NAGPA: variants seen among roughly 807,000 people sequenced by gnomAD.
The protein encoded by NAGPA is alpha-N-acetylglucosaminyl phosphodiesterase.
NAGPA carries 56 observed loss-of-function variants against 48.5 expected under a neutral mutation model. That is an observed-to-expected ratio of 1.15 (90% CI 0.93 to 1.44). The LOEUF is 1.44. NAGPA is among the 40% of genes most tolerant of loss of function. NAGPA has a pLI of 0.00. For synonymous variants in NAGPA, 399 were observed against 315.5 expected (o/e 1.26, Z -2.81); for missense variants, 888 against 735.0 (o/e 1.21, Z -2.41).
chr16:5,025,729 G>T, intron 9 of NAGPA, 44 bp from the exon 10 acceptor site: 2 of 1,554,478 alleles, frequency 1.3e-6, no homozygotes, highest in Non-Finnish European at 1.7e-6. Flanking sequence ...TGCTGGGTGG[G>T]CTCAGGGCTT....
rs763677545 is a variant in NAGPA at position 5,027,638 on chromosome 16, C to CGG, written c.1174+206_1174+207dup. Among the ~76,000 whole-genome samples the CGG allele has an allele frequency of 3.9e-5, 6 of 152,296 alleles. No homozygotes were observed. The East Asian group carries it at 7.7e-4, about 20-fold the overall frequency. ...TGAGGTGGGCCCTGGAGCCAGAGCCCGGGGACCCTTGTTTTAGCCGAGCCC... is the reference window on the plus strand; with the variant it reads ...TGAGGTGGGCCCTGGAGCCAGAGCCCGGGGGGACCCTTGTTTTAGCCGAGCCC... On this transcript the variant is annotated intron_variant, in intron 7 of 9. Transcript: ENST00000312251.
intron 3 of NAGPA, chr16:5,030,980 A>G (rs1284143845): frequency 4.5e-6 from 1 of 219,846 alleles, no homozygotes; most frequent in East Asian, 1.2e-4. Flanking sequence ...CCCGGGCTGG[A>G]GTGCAGTGGC....
rs1438180379 is a variant in NAGPA at position 5,033,357 on chromosome 16, A to C, written c.458T>G (p.Val153Gly). 2 of 1,597,924 alleles carry C rather than the reference A, an allele frequency of 1.3e-6. No homozygotes were observed. Among genetic ancestry groups the C allele is most frequent in the South Asian group, 2.2e-5 (2 of 91,034 alleles). Residue 153 changes from valine (V) to glycine (G), a missense_variant, in exon 2 of 10, where the codon GTG (valine) becomes GGG (glycine). Val to Gly is a moderately radical substitution (Grantham distance 109, BLOSUM62 -3). Coordinates refer to ENST00000312251, the MANE Select transcript of NAGPA (RefSeq NM_016256.4). This position sits in a 1 kb window ranked among gnomAD's most constrained non-coding sequence, Gnocchi z 4.2. ...MNSGECLGNV[V>G]SDERRVSSSG... ...GCTGCTCACCCGCCGCTCGTCGCTC[A>C]CCACGTTCCCCAGGCACTCGCCCGA...
rs755122540 is a variant in NAGPA at position 5,033,597 on chromosome 16, G to T, written c.218C>A (p.Ala73Asp). Residue 73 changes from alanine to aspartate, a missense_variant, in exon 2 of 10, where the codon GCC (alanine) becomes GAC (aspartate). Ala to Asp is a moderately radical substitution (Grantham distance 126, BLOSUM62 -2). Transcript: ENST00000312251. This position sits in a 1 kb window ranked among gnomAD's most constrained non-coding sequence, Gnocchi z 4.2. ...GAAGGTGCGCACGGCCAGACCGCCGGCGCCGGGAGTCGCGGGAGGCGGAGG... is the reference window on the plus strand; with the variant it reads ...GAAGGTGCGCACGGCCAGACCGCCGTCGCCGGGAGTCGCGGGAGGCGGAGG... ...SWPPPPATPG[A>D]GGLAVRTFVS... is the part of the protein sequence containing the mutation. 2.0e-6 allele frequency: 3 copies of T among 1,490,000 alleles called. No homozygotes were observed. In the South Asian group the frequency reaches 3.9e-5, roughly 19 times the overall value. The allele number at this position is 1,490,000 out of a possible 1,614,324, so 92.3% of individuals were successfully genotyped here. A position where few individuals can be genotyped will look rare whatever the true frequency, so the allele number is the denominator to read the frequency against.
Position 5,025,413 on chromosome 16 carries a change from C to T in NAGPA, c.*65G>A, listed in dbSNP as rs1027549266. 3 of 1,587,658 alleles carry T rather than the reference C, an allele frequency of 1.9e-6. No individual in the cohort carries two copies. The stretch of plus-strand genomic sequence containing the variant: ...CCACGCCAGTGGCCTTGAAATTTCC[C>T]CTGCAGAAGCCAGACCGTGGGGAAA... On this transcript the variant is annotated 3_prime_UTR_variant, in exon 10 of 10. Coordinates refer to ENST00000312251, the MANE Select transcript of NAGPA (RefSeq NM_016256.4).
At chr16:5,029,427 G>A (rs1157314827) in intron 4 of NAGPA, 4 of 287,876 alleles carry the variant, frequency 1.4e-5, no homozygotes, top group South Asian at 3.4e-5. Context: ...CCCAGATGGC[G>A]GCCAGCAGGG....
In NAGPA at chr16:5,027,877, A is replaced by G; in HGVS notation, c.1143T>C (p.Asp381=). ...TGCAGTTGGACCCGGTCCATCCGGCATCACAGCGGCAGCCGGCTGCCGAGA... is the reference window on the plus strand; with the variant it reads ...TGCAGTTGGACCCGGTCCATCCGGCGTCACAGCGGCAGCCGGCTGCCGAGA... The part of the protein sequence containing the change: ...GLCTETGCRC[D]AGWTGSNCSE... The change falls in exon 7 of 10, where the codon GAT becomes GAC. Residue 381 remains aspartate (D), a synonymous_variant. Transcript: ENST00000312251. 1 of 1,584,678 alleles carries G rather than the reference A, an allele frequency of 6.3e-7. No homozygotes were observed. Among genetic ancestry groups the G allele is most frequent in the Non-Finnish European group, 8.6e-7 (1 of 1,165,338 alleles).
intron 4 of NAGPA, chr16:5,029,279 C>T: frequency 2.0e-6 from 1 of 494,720 alleles, no homozygotes; most frequent in Non-Finnish European, 3.7e-6. Flanking sequence ...CAGGAGTGTT[C>T]AACACAGAGA....
rs769705244 is a variant in NAGPA at position 5,033,418 on chromosome 16, G to T, written c.397C>A (p.Arg133Ser). ...VEETARAADCRVAQNGGFFRM... is the reference protein window; with the variant it reads ...VEETARAADCSVAQNGGFFRM... ...AAGAAGCCGCCGTTCTGGGCGACAC[G>T]GCAGTCGGCCGCCCGCGCCGTCTCC... is the stretch of plus-strand genomic sequence containing the variant. The change falls in exon 2 of 10, where the codon CGT (arginine) becomes AGT (serine). Residue 133 changes from arginine to serine, a missense_variant. Arg to Ser is a moderately radical substitution (Grantham distance 110). Coordinates refer to ENST00000312251, the MANE Select transcript of NAGPA (RefSeq NM_016256.4). This position sits in a 1 kb window ranked among gnomAD's most constrained non-coding sequence, Gnocchi z 4.2. 3.0e-5 allele frequency: 48 copies of T among 1,595,780 alleles called. No homozygotes were observed. The Middle Eastern group carries it at 8.4e-4, about 28-fold the overall frequency.
chr16:5,028,710 T>TG (rs1956048103), intron 5 of NAGPA, 170 bp downstream of exon 5: 2 of 973,260 alleles, frequency 2.1e-6, no homozygotes, highest in Non-Finnish European at 3.2e-6. Context: ...CAACTGACCC[T>TG]GCTCCTAGGC....
chr16:5,028,727 A>T, intron 5 of NAGPA, 153 bp downstream of exon 5: 1 of 1,162,960 alleles, frequency 8.6e-7, no homozygotes, highest in Non-Finnish European at 1.3e-6. Flanking sequence ...AGGCCTGGGT[A>T]GTACTGGCAT....
chr16:5,031,386 G>A (rs1956093771), intron 3 of NAGPA: 2 of 337,864 alleles, frequency 5.9e-6, no homozygotes, highest in Non-Finnish European at 1.2e-5. Context: ...GCAGGTCTGA[G>A]GGTGTGGGGC....
intron 5 of NAGPA, chr16:5,028,633 C>G (rs1455017389): frequency 8.2e-6 from 5 of 607,566 alleles, no homozygotes; most frequent in African/African-American, 3.7e-5. Flanking sequence ...CTCCCACCCC[C>G]ACCCAGCTAC....
chr16:5,029,167 T>A, intron 4 of NAGPA, 159 bp from the exon 5 acceptor site: 1 of 1,231,434 alleles, frequency 8.1e-7, no homozygotes. Flanking sequence ...CCGGAAGCTG[T>A]GAACACGTGA....
At position 5,030,508 on chromosome 16, in the gene NAGPA, G is replaced by T. The variant is rs1450443323; in HGVS notation, c.683-15C>A. On this transcript the variant is annotated splice_polypyrimidine_tract_variant and intron_variant, in intron 3 of 9. Transcript: ENST00000312251. ...GCTAAAGGAACCTGAAGGAAAAGCA[G>T]CCTGGCTGATCACCGCCCCTTGGGA... 6.5e-7 allele frequency: 1 copy of T among 1,548,540 alleles called. No homozygotes were observed. Among genetic ancestry groups the T allele is most frequent in the Non-Finnish European group, 8.7e-7 (1 of 1,144,008 alleles).
chr16:5,033,172 A>T lies in NAGPA; in HGVS notation c.542+101T>A, dbSNP rs114140828. The stretch of plus-strand genomic sequence containing the variant: ...ATCCCCATTCTGCAGAGGAGGAAAC[A>T]GGGGCTCAGCTTGGTTAAGTGACTT... On this transcript the variant is annotated intron_variant, in intron 2 of 9. Transcript: ENST00000312251. This position sits in a 1 kb window ranked among gnomAD's most constrained non-coding sequence, Gnocchi z 4.2. 302 of 1,355,426 alleles carry T rather than the reference A, an allele frequency of 2.2e-4. No individual in the cohort carries two copies. In the African/African-American group the frequency reaches 4.1e-3, roughly 18 times the overall value. The allele number at this position is 1,355,426 out of a possible 1,614,324, so 84.0% of individuals were successfully genotyped here.
At chr16:5,029,802 T>G (rs1956068986) in intron 4 of NAGPA, 1 of 161,260 alleles carries the variant, frequency 6.2e-6, no homozygotes, top group Non-Finnish European at 1.4e-5. Flanking sequence ...CGGGTGCCCG[T>G]AATCCCAGTT....
intron 2 of NAGPA, chr16:5,032,904 C>T: frequency 1.9e-5 from 6 of 310,500 alleles, no homozygotes; most frequent in Non-Finnish European, 3.6e-5. Context: ...GATCACCCTC[C>T]CTAAAATCAA....
In NAGPA at chr16:5,027,891, C is replaced by G. The variant is rs938636342; in HGVS notation, c.1129G>C (p.Gly377Arg). ...CSQHGLCTET[G>R]CRCDAGWTGS... ...GTCCATCCGGCATCACAGCGGCAGC[C>G]GGCTGCCGAGACAAGACCGGGGAGG... Residue 377 changes from glycine to arginine, a missense_variant and splice_region_variant, in exon 7 of 10, where the codon GGC becomes CGC. By Grantham distance (125) the Gly-to-Arg change is moderately radical (BLOSUM62 -2). Coordinates refer to ENST00000312251, the MANE Select transcript of NAGPA (RefSeq NM_016256.4). 6.3e-7 allele frequency: 1 copy of G among 1,593,570 alleles called. No individual in the cohort carries two copies. The highest frequency in any genetic ancestry group is 8.5e-7 in the Non-Finnish European group (1 of 1,170,676).
Sources: gnomAD v4.1 joint callset for allele counts (sites outside exome capture counted in the v4.1 genomes callset) on GRCh38, gnomAD v4.1.1 for gene constraint, Gnocchi (gnomAD v3.1) non-coding constraint, MANE v1.5 for transcripts, NCBI Gene and HGNC (gene_info 2026-07-23, HGNC 2026-07-21) for gene names.